Variants in CSMD1 observed in about 807,000 individuals in gnomAD.
CSMD1 encodes the protein CUB and Sushi multiple domains 1.
A neutral mutation model predicts 417.5 loss-of-function variants in CSMD1; 213 were observed. The ratio of observed to expected loss-of-function variants is 0.51; its 90% CI spans 0.46 to 0.57. The LOEUF is 0.57. Among genes scored for constraint, CSMD1 ranks in the 20% least tolerant of loss-of-function variants. CSMD1 has a pLI of 0.00. For missense variants in CSMD1, 6,923 were observed against 4,529.7 expected (o/e 1.53, Z -15.17); for synonymous variants, 2,862 against 1,736.8 (o/e 1.65, Z -16.11).
chr8:4,205,801 G>A (rs973396925), intron 3 of CSMD1, among the ~76,000 whole-genome samples: 1 of 151,918 alleles, frequency 6.6e-6, no homozygotes, highest in Non-Finnish European at 1.5e-5. Context: ...AGATATTTGT[G>A]GGGGTAAAAA....
chr8:3,754,433 C>CTTATTTATTATTTATTTATTTAT (rs1554532530), intron 5 of CSMD1, among the ~76,000 whole-genome samples: 51 of 145,570 alleles, frequency 3.5e-4, no homozygotes, highest in African/African-American at 9.5e-4. Context: ...TTAGTAATTC[C>CTTATTTATTATTTATTTATTTAT]TTATTTATTT....
At chr8:3,327,639 T>C (rs1051592332) in intron 23 of CSMD1, among the ~76,000 whole-genome samples, 24 of 152,178 alleles carry the variant, frequency 1.6e-4, no homozygotes, top group African/African-American at 5.5e-4. Flanking sequence ...AATAGTAAAG[T>C]TTGAGGTAGA....
In CSMD1 at chr8:3,000,046, C is replaced by T. The variant is rs545442675; in HGVS notation, c.8115G>A (p.Gln2705=). The change falls in exon 53 of 70, where the codon CAG becomes CAA. Residue 2705 remains glutamine (Q), a synonymous_variant. Transcript: ENST00000635120. ...CCACAAGCCGGAAACCAGGATTGCA[C>T]TGGTAAACCACCGTGTCTCTGTAAC... ...GFSYRDTVVY[Q]CNPGFRLVGT... The T allele has an allele frequency of 1.2e-6, 2 of 1,605,488 alleles. No individual in the cohort carries two copies. Among genetic ancestry groups the T allele is most frequent in the East Asian group, 2.2e-5 (1 of 44,544 alleles).
chr8:4,478,775 T>C (rs1464434008), intron 2 of CSMD1, among the ~76,000 whole-genome samples: 1 of 152,220 alleles, frequency 6.6e-6, no homozygotes, highest in Non-Finnish European at 1.5e-5. Flanking sequence ...GTAACAAATT[T>C]TAATGGCATT....
chr8:4,089,563 A>T (rs17068904), intron 3 of CSMD1, among the ~76,000 whole-genome samples: 26,759 of 152,164 alleles, frequency 0.18, 2,771 homozygotes, highest in South Asian at 0.38. Context: ...TCTGACTTGC[A>T]TTACTTAGTT....
chr8:4,653,165 G>C (rs375790385), intron 1 of CSMD1, among the ~76,000 whole-genome samples: 1 of 152,032 alleles, frequency 6.6e-6, no homozygotes, highest in Admixed American at 6.5e-5. Context: ...AGACTCTTAG[G>C]TGTTGAGTGA....
chr8:3,348,103 T>C lies in CSMD1; in HGVS notation c.3363A>G (p.Pro1121=). Reference sequence around the variant, plus strand: ...ACTCATGGTTATTATCATAATTGGATGGAAAATTTGGAGACAGTAATGTTC... The same window carrying C: ...ACTCATGGTTATTATCATAATTGGACGGAAAATTTGGAGACAGTAATGTTC... ...NEGTLLSPNF[P]SNYDNNHECI... is the part of the protein sequence containing the mutation. The change falls in exon 22 of 70, where the codon CCA becomes CCG. Residue 1121 remains proline, a synonymous_variant. Transcript: ENST00000635120. The C allele has an allele frequency of 6.2e-7, 1 of 1,612,906 alleles. No individual in the cohort carries two copies. The highest frequency in any genetic ancestry group is 8.5e-7 in the Non-Finnish European group (1 of 1,179,392).
chr8:3,806,097 T>A (rs960676200), intron 5 of CSMD1, among the ~76,000 whole-genome samples: 2 of 152,170 alleles, frequency 1.3e-5, no homozygotes, highest in Non-Finnish European at 2.9e-5. Flanking sequence ...TGGTCTCCAA[T>A]ATGCCTTTTA....
chr8:3,020,068 CG>C (rs1809231617), intron 51 of CSMD1, among the ~76,000 whole-genome samples: 1 of 152,178 alleles, frequency 6.6e-6, no homozygotes, highest in South Asian at 2.1e-4. Flanking sequence ...AGGAAGAACA[CG>C]GATTCTGGCT....
chr8:4,771,552 C>G (rs938814504), intron 1 of CSMD1, among the ~76,000 whole-genome samples: 1 of 152,198 alleles, frequency 6.6e-6, no homozygotes, highest in Non-Finnish European at 1.5e-5. Flanking sequence ...ATTTTCCACT[C>G]TAAGGAACGA....
chr8:3,445,892 A>G (rs1377522009), intron 12 of CSMD1, among the ~76,000 whole-genome samples: 1 of 152,208 alleles, frequency 6.6e-6, no homozygotes, highest in Non-Finnish European at 1.5e-5. Context: ...AAAGCGTAAA[A>G]TTGAGATCTA....
intron 5 of CSMD1, among the ~76,000 whole-genome samples, chr8:3,961,688 A>G (rs749534894): frequency 2.0e-5 from 3 of 152,224 alleles, no homozygotes; most frequent in East Asian, 1.9e-4. Context: ...GCAAACTTCA[A>G]AAAAGAAAAA....
intron 5 of CSMD1, among the ~76,000 whole-genome samples, chr8:3,876,738 T>A (rs7820780): frequency 0.059 from 8,944 of 152,200 alleles, 707 homozygotes; most frequent in African/African-American, 0.18. Context: ...GCCTCCTGAG[T>A]ACCTGGAAGC....
intron 12 of CSMD1, among the ~76,000 whole-genome samples, chr8:3,431,211 G>T (rs1814198526): frequency 6.6e-6 from 1 of 152,092 alleles, no homozygotes; most frequent in South Asian, 2.1e-4. Flanking sequence ...GTTCCACTAA[G>T]ACACAGGTCC....
intron 62 of CSMD1, among the ~76,000 whole-genome samples, chr8:2,959,295 G>C (rs757762603): frequency 3.4e-4 from 51 of 151,866 alleles, no homozygotes; most frequent in Non-Finnish European, 5.7e-4. Context: ...TGTAGAAATA[G>C]GGTCTTGCTA....
rs1374174552 is a variant in CSMD1, at chr8:3,471,150, C to G, written c.1449-2326G>C. 2.6e-5 allele frequency among the ~76,000 whole-genome samples: 4 copies of G among 152,294 alleles called. No homozygotes were observed. The East Asian group carries it at 5.8e-4, about 22-fold the overall frequency. On this transcript the variant is annotated intron_variant, in intron 11 of 69. Transcript: ENST00000635120. ...CAGCAGTGTGTGAGCACCCCAGATT[C>G]TTTGTATTCTCAATAGGCATTCGGT...
intron 16 of CSMD1, among the ~76,000 whole-genome samples, chr8:3,397,225 G>A (rs528446524): frequency 4.6e-5 from 7 of 152,186 alleles, no homozygotes; most frequent in Non-Finnish European, 1.0e-4. Flanking sequence ...AGCGTCATAA[G>A]ACTCTGACTC....
chr8:3,626,911 G>A (rs1184392405), intron 7 of CSMD1, among the ~76,000 whole-genome samples: 2 of 149,880 alleles, frequency 1.3e-5, no homozygotes, highest in Admixed American at 1.3e-4. Context: ...TAATATTAAG[G>A]CTTTATTAAA....
intron 3 of CSMD1, among the ~76,000 whole-genome samples, chr8:4,172,869 T>A (rs1647298): frequency 6.6e-6 from 1 of 151,958 alleles, no homozygotes; most frequent in Non-Finnish European, 1.5e-5. Context: ...TGCGTAGGCA[T>A]AAAAGGGAGC....
Sources: allele counts gnomAD v4.1 joint callset (sites outside exome capture counted in the v4.1 genomes callset), GRCh38; gene constraint gnomAD v4.1.1; transcripts MANE v1.5; gene names NCBI Gene and HGNC (gene_info 2026-07-23, HGNC 2026-07-21).